DAB2: variants seen among roughly 807,000 people sequenced by gnomAD.
The protein encoded by DAB2 is DAB adaptor protein 2.
DAB2 carries 28 observed loss-of-function variants against 71.6 expected under a neutral mutation model. That is an observed-to-expected ratio of 0.39 (90% CI 0.29 to 0.54). The LOEUF is 0.54. DAB2 is among the 20% of genes least tolerant of loss of function. The probability of loss-of-function intolerance (pLI) is 0.68; values close to 1 mark genes in which losing one functional copy is unlikely to be tolerated. For synonymous variants in DAB2, 345 were observed against 339.7 expected, an observed-to-expected ratio of 1.02 and a Z score of -0.17; for missense variants, 867 against 928.8, an observed-to-expected ratio of 0.93 and a Z score of 0.86.
chr5:39,392,037 G>A (rs1321158327), intron 4 of DAB2, among the ~76,000 whole-genome samples: 2 of 146,258 alleles, frequency 1.4e-5, no homozygotes, highest in Non-Finnish European at 3.0e-5. Flanking sequence ...ATATTTTAAT[G>A]TATATTTGTA....
chr5:39,381,632 G>T lies in DAB2; in HGVS notation c.1342-16C>A. On this transcript the variant is annotated splice_polypyrimidine_tract_variant and intron_variant, in intron 10 of 14. Transcript: ENST00000320816. Reference sequence around the variant, plus strand: ...TGGCTGAAGACTGACAGGACAGGGAGGGAGGGAGAAGCCTTAGTTACTCAC... The same window carrying T: ...TGGCTGAAGACTGACAGGACAGGGATGGAGGGAGAAGCCTTAGTTACTCAC... The T allele has an allele frequency of 1.9e-6, 3 of 1,613,588 alleles. No individual in the cohort carries two copies. Among genetic ancestry groups the T allele is most frequent in the Non-Finnish European group, 2.5e-6 (3 of 1,179,736 alleles).
intron 1 of DAB2, among the ~76,000 whole-genome samples, chr5:39,395,237 A>AC (rs1755331642): frequency 3.1e-4 from 2 of 6,556 alleles, no homozygotes; most frequent in Non-Finnish European, 4.1e-3. Flanking sequence ...ATGTTTCTAT[A>AC]TGCTGTAGAG....
intron 1 of DAB2, among the ~76,000 whole-genome samples, chr5:39,409,062 C>T (rs1238175013): frequency 2.6e-5 from 4 of 151,358 alleles, no homozygotes; most frequent in South Asian, 2.1e-4. Context: ...CCACATGAGT[C>T]GAATTCCAGA....
At position 39,375,613 on chromosome 5, in the gene DAB2, G is replaced by A. The variant is rs150252195; in HGVS notation, c.2247+384C>T. ...TCAAAAAGCTATTATAGCCAGGTGC[G>A]GTGGCTCATGACTGTAATCCCAGCA... On this transcript the variant is annotated intron_variant, in intron 13 of 14. Coordinates refer to ENST00000320816, the MANE Select transcript of DAB2 (RefSeq NM_001343.4). 3.8e-4 allele frequency among the ~76,000 whole-genome samples: 58 copies of A among 152,172 alleles called. No individual in the cohort carries two copies. In the Middle Eastern group the frequency reaches 0.01, roughly 27 times the overall value.
intron 11 of DAB2, 69 bp downstream of exon 11, chr5:39,381,385 T>G: frequency 6.7e-7 from 1 of 1,501,748 alleles, no homozygotes; most frequent in Non-Finnish European, 9.2e-7. Flanking sequence ...ATGAAATCTC[T>G]TCCGATGCAT....
intron 9 of DAB2, among the ~76,000 whole-genome samples, chr5:39,383,839 T>A (rs1054908770): frequency 2.6e-5 from 4 of 152,202 alleles, no homozygotes; most frequent in African/African-American, 9.7e-5. Flanking sequence ...TAAGATCAAA[T>A]GCATTTCCCT....
At chr5:39,414,059 T>C (rs1413293988) in intron 1 of DAB2, among the ~76,000 whole-genome samples, 1 of 152,130 alleles carries the variant, frequency 6.6e-6, no homozygotes, top group Non-Finnish European at 1.5e-5. Flanking sequence ...TATGAAAAAT[T>C]CAACAGTAAG....
rs1251809410 is a variant in DAB2 at position 39,381,709 on chromosome 5, G to A, written c.1342-93C>T. On this transcript the variant is annotated intron_variant, in intron 10 of 14. Coordinates refer to ENST00000320816, the MANE Select transcript of DAB2 (RefSeq NM_001343.4). ...TCTCCTACCCTATACCCCAATTTGA[G>A]AGCCACAAAAAGGAAAACTTTTTTC... 7.0e-6 allele frequency: 10 copies of A among 1,425,096 alleles called. No homozygotes were observed. In the Admixed American group the frequency reaches 1.7e-4, roughly 25 times the overall value. The allele number at this position is 1,425,096 out of a possible 1,614,324, so 88.3% of individuals were successfully genotyped here.
chr5:39,394,746 CTAGGCAT>C (rs1444978548), intron 1 of DAB2, among the ~76,000 whole-genome samples: 1 of 126,126 alleles, frequency 7.9e-6, no homozygotes, highest in Non-Finnish European at 1.8e-5. Flanking sequence ...CGAAAACTTG[CTAGGCAT>C]TATTGCAAAA....
chr5:39,382,543 A>G lies in DAB2; in HGVS notation c.1341+75T>C, dbSNP rs1229896083. 5.6e-6 allele frequency: 8 copies of G among 1,433,356 alleles called. No individual in the cohort carries two copies. In the African/African-American group the frequency reaches 5.6e-5, roughly 10 times the overall value. 88.8% of individuals were successfully genotyped at this position (1,433,356 alleles called of 1,614,324 possible). A position where few individuals can be genotyped will look rare whatever the true frequency, so the allele number is the denominator to read the frequency against. On this transcript the variant is annotated intron_variant, in intron 10 of 14. Transcript: ENST00000320816. The stretch of plus-strand genomic sequence containing the variant: ...CAGGAAACTACGAGAGCAGCAGGAA[A>G]GAGAGCTTGCATCACACCACCCTTT...
chr5:39,376,014 C>A lies in DAB2; in HGVS notation c.2230G>T (p.Gly744Cys). 1 of 1,613,772 alleles carries A rather than the reference C, an allele frequency of 6.2e-7. No homozygotes were observed. The change falls in exon 13 of 15, where the codon GGT becomes TGT. Residue 744 changes from glycine to cysteine, a missense_variant. Around this residue, in one of 2 missense-constraint regions of DAB2, gnomAD observed 740 missense variants for 734.3 expected, o/e 1.01. Coordinates refer to ENST00000320816, the MANE Select transcript of DAB2 (RefSeq NM_001343.4). Reference sequence around the variant, plus strand: ...ATACTTACAGAGGCTTGTGATGAACCAAAAGAATCTTTAAAGAAAGGGTTC... The same window carrying A: ...ATACTTACAGAGGCTTGTGATGAACAAAAAGAATCTTTAAAGAAAGGGTTC... ...FENPFFKDSF[G>C]SSQASVASSQ...
chr5:39,401,762 T>TTACTTACTTAC (rs1755504364), intron 1 of DAB2, among the ~76,000 whole-genome samples: 1 of 151,144 alleles, frequency 6.6e-6, no homozygotes, highest in Non-Finnish European at 1.5e-5. Context: ...TATTTATTTA[T>TTACTTACTTAC]TTATTTTTGA....
intron 5 of DAB2, 55 bp from the exon 6 acceptor site, chr5:39,389,987 T>G (rs1755187992): frequency 8.2e-7 from 1 of 1,215,922 alleles, no homozygotes; most frequent in African/African-American, 1.6e-5. Flanking sequence ...TTTTATTTCC[T>G]TTGTCTGCTA....
intron 11 of DAB2, 36 bp downstream of exon 11, chr5:39,381,416 CAA>C: frequency 1.3e-5 from 21 of 1,594,638 alleles, no homozygotes; most frequent in Non-Finnish European, 1.7e-5. Context: ...TGAGCAAAAG[CAA>C]AAGAGTCATA....
intron 10 of DAB2, 141 bp from the exon 11 acceptor site, chr5:39,381,757 T>A: frequency 2.6e-6 from 2 of 774,564 alleles, no homozygotes; most frequent in Non-Finnish European, 4.1e-6. Flanking sequence ...CAACAACAAC[T>A]ACTACTACAG....
At chr5:39,373,593 G>A (rs549540831) in intron 14 of DAB2, among the ~76,000 whole-genome samples, 168 bp from the exon 15 acceptor site, 11 of 152,254 alleles carry the variant, frequency 7.2e-5, no homozygotes, top group South Asian at 4.1e-4. Context: ...AATGCTTAGC[G>A]CAAGTGCTCA....
At chr5:39,405,155 TC>T (rs755113708) in intron 1 of DAB2, among the ~76,000 whole-genome samples, 66 of 152,198 alleles carry the variant, frequency 4.3e-4, no homozygotes, top group Non-Finnish European at 6.3e-4. Context: ...GATTCTAGAA[TC>T]CCTCTTTACA....
At chr5:39,381,700 C>T in intron 10 of DAB2, 84 bp from the exon 11 acceptor site, 2 of 1,462,994 alleles carry the variant, frequency 1.4e-6, no homozygotes, top group Non-Finnish European at 1.9e-6. Context: ...ACCCTATACC[C>T]CAATTTGAGA....
At chr5:39,421,473 G>T (rs954632856) in intron 1 of DAB2, among the ~76,000 whole-genome samples, 2 of 152,170 alleles carry the variant, frequency 1.3e-5, no homozygotes, top group South Asian at 4.1e-4. Flanking sequence ...CCAAGGCCAT[G>T]TAACCTGCAA....
Sources: allele counts gnomAD v4.1 joint callset (sites outside exome capture counted in the v4.1 genomes callset), GRCh38; gene constraint gnomAD v4.1.1; regional missense constraint gnomAD v4.1.1; transcripts MANE v1.5; gene names NCBI Gene and HGNC (gene_info 2026-07-23, HGNC 2026-07-21).